ITGBL1: variants seen among roughly 807,000 people sequenced by gnomAD.
ITGBL1 encodes integrin subunit beta like 1.
In ITGBL1, 51 loss-of-function variants were observed where a neutral mutation model predicts 68.5. The observed-to-expected ratio is 0.74, with a 90% CI of 0.59 to 0.94. The LOEUF is 0.94. ITGBL1 is among the 40% of genes least tolerant of loss of function. The pLI is 0.00. For missense variants in ITGBL1, 649 were observed against 647.4 expected, an observed-to-expected ratio of 1.00 and a Z score of -0.03; for synonymous variants, 209 against 227.3, an observed-to-expected ratio of 0.92 and a Z score of 0.72.
intron 7 of ITGBL1, among the ~76,000 whole-genome samples, chr13:101,649,899 T>C (rs1035358654): frequency 3.3e-5 from 5 of 152,180 alleles, no homozygotes; most frequent in African/African-American, 1.2e-4. Flanking sequence ...TTCAAGAAGC[T>C]CTCAGGGCTG....
chr13:101,575,615 A>T (rs2050346682), intron 4 of ITGBL1, 69 bp downstream of exon 4: 11 of 1,486,386 alleles, frequency 7.4e-6, no homozygotes, highest in Non-Finnish European at 1.0e-5. Flanking sequence ...TTGTTCTTTT[A>T]TCTCTACATA....
At chr13:101,497,320 A>G (rs1239437477) in intron 2 of ITGBL1, among the ~76,000 whole-genome samples, 3 of 152,154 alleles carry the variant, frequency 2.0e-5, no homozygotes, top group Non-Finnish European at 2.9e-5. Flanking sequence ...GAATCCCTCA[A>G]TTGTAGGTTG....
intron 7 of ITGBL1, among the ~76,000 whole-genome samples, chr13:101,638,493 G>T (rs2032250620): frequency 6.6e-6 from 1 of 152,060 alleles, no homozygotes; most frequent in Admixed American, 6.6e-5. Flanking sequence ...GGATATACCT[G>T]CAACTGGGCA....
chr13:101,521,268 A>C (rs2049279477), intron 2 of ITGBL1, among the ~76,000 whole-genome samples: 1 of 152,204 alleles, frequency 6.6e-6, no homozygotes, highest in African/African-American at 2.4e-5. Context: ...GGGACATAGC[A>C]ACAGATACAA....
chr13:101,512,203 C>T (rs2049126863), intron 2 of ITGBL1, among the ~76,000 whole-genome samples: 1 of 151,986 alleles, frequency 6.6e-6, no homozygotes. Flanking sequence ...GATCTGATCT[C>T]TTCTTCTGCA....
intron 2 of ITGBL1, among the ~76,000 whole-genome samples, chr13:101,523,722 G>A (rs1395048382): frequency 1.3e-5 from 1 of 74,384 alleles, no homozygotes; most frequent in African/African-American, 5.2e-5. Context: ...ATGCACACAA[G>A]CCAATTCTTG....
Position 101,577,101 on chromosome 13 carries a change from AGTT to A in ITGBL1, c.586+1559_586+1561del, listed in dbSNP as rs2050375607. 2.0e-5 allele frequency among the ~76,000 whole-genome samples: 3 copies of A among 152,218 alleles called. No homozygotes were observed. In the South Asian group the frequency reaches 6.2e-4, roughly 31 times the overall value. ...AAAATGTTTAACTTTCAAACTTTCT[AGTT>A]GTTATTTCCATTTGTTTGAGGCTTA... On this transcript the variant is annotated intron_variant, in intron 4 of 10. Transcript: ENST00000376180.
chr13:101,593,061 C>G (rs1490291910), intron 6 of ITGBL1, among the ~76,000 whole-genome samples: 1 of 151,758 alleles, frequency 6.6e-6, no homozygotes, highest in East Asian at 1.9e-4. Flanking sequence ...AACTTAACAG[C>G]AAGAAAACAA....
At chr13:101,612,972 C>A (rs2031204090) in intron 7 of ITGBL1, among the ~76,000 whole-genome samples, 1 of 152,064 alleles carries the variant, frequency 6.6e-6, no homozygotes, top group Admixed American at 6.6e-5. Context: ...TCTGAGGGGG[C>A]AGGGATGGAA....
intron 1 of ITGBL1, among the ~76,000 whole-genome samples, chr13:101,453,134 T>C (rs2139604914): frequency 6.6e-6 from 1 of 152,350 alleles, no homozygotes; most frequent in East Asian, 1.9e-4. Context: ...TTTGGAAAAA[T>C]GCAATCATTG....
chr13:101,717,644 T>G (rs1036573085), downstream of ITGBL1: 5 of 151,384 alleles, frequency 3.3e-5, no homozygotes, highest in African/African-American at 1.2e-4. Flanking sequence ...ACGGACCACG[T>G]ACGTCCCTGT....
intron 2 of ITGBL1, among the ~76,000 whole-genome samples, chr13:101,492,692 C>T (rs983617950): frequency 3.3e-5 from 5 of 152,142 alleles, no homozygotes; most frequent in African/African-American, 1.2e-4. Context: ...CTTTCCCTTG[C>T]TGCCCTCCTT....
At chr13:101,680,245 A>G (rs1220322212) in intron 7 of ITGBL1, among the ~76,000 whole-genome samples, 1 of 152,198 alleles carries the variant, frequency 6.6e-6, no homozygotes, top group Non-Finnish European at 1.5e-5. Context: ...GGAACTTAGG[A>G]TGCATTTGGC....
intron 2 of ITGBL1, among the ~76,000 whole-genome samples, chr13:101,531,614 GGA>G (rs775902436): frequency 0.051 from 6,933 of 137,100 alleles, 359 homozygotes; most frequent in Non-Finnish European, 0.071. Flanking sequence ...TTTTTTGGGG[GGA>G]GGGGATTTAC....
At position 101,653,267 on chromosome 13, in the gene ITGBL1, G is replaced by A. The variant is rs542434566; in HGVS notation, c.1016-39318G>A. On this transcript the variant is annotated intron_variant, in intron 7 of 10. Transcript: ENST00000376180. ...TTGACTAACTGAGGCCAGTATCATG[G>A]TGGAAAAGCCTGTTACTAGTGTTGA... is the stretch of plus-strand genomic sequence containing the variant. Among the ~76,000 whole-genome samples the A allele has an allele frequency of 1.6e-4, 24 of 152,214 alleles. 2 individuals are homozygous for A. In the South Asian group the frequency reaches 4.6e-3, roughly 29 times the overall value.
chr13:101,499,059 G>A (rs2048900778), intron 2 of ITGBL1, among the ~76,000 whole-genome samples: 2 of 152,086 alleles, frequency 1.3e-5, no homozygotes, highest in South Asian at 4.1e-4. Context: ...ATGGGAATTA[G>A]GGGAGCTACA....
chr13:101,566,642 T>TG (rs1428367851), intron 2 of ITGBL1, among the ~76,000 whole-genome samples: 6 of 152,294 alleles, frequency 3.9e-5, no homozygotes, highest in Admixed American at 1.3e-4. Flanking sequence ...CCATTCATAC[T>TG]GACCAACCAT....
At chr13:101,607,153 A>G (rs148424222) in intron 7 of ITGBL1, among the ~76,000 whole-genome samples, 4 of 152,166 alleles carry the variant, frequency 2.6e-5, no homozygotes, top group East Asian at 3.9e-4. Context: ...AGGTAAAATG[A>G]TAAGAACATT....
intron 2 of ITGBL1, among the ~76,000 whole-genome samples, chr13:101,521,025 G>T (rs1294210769): frequency 2.6e-5 from 4 of 152,098 alleles, no homozygotes; most frequent in Non-Finnish European, 5.9e-5. Context: ...GATTTTGACA[G>T]AAATAAAATA....
Sources: allele counts gnomAD v4.1 joint callset (sites outside exome capture counted in the v4.1 genomes callset), GRCh38; gene constraint gnomAD v4.1.1; transcripts MANE v1.5; gene names NCBI Gene and HGNC (gene_info 2026-07-23, HGNC 2026-07-21).